Variants in SMARCAL1 observed in about 807,000 individuals in gnomAD.
SMARCAL1 encodes the protein SNF2 related chromatin remodeling annealing helicase 1, also known as ATP-driven annealing helicase.
Under a neutral mutation model 94.5 loss-of-function variants are expected in SMARCAL1, and 58 were observed. The ratio of observed to expected loss-of-function variants is 0.61; its 90% CI spans 0.50 to 0.76. SMARCAL1 has a LOEUF of 0.76. Among genes scored for constraint, SMARCAL1 ranks in the 30% least tolerant of loss-of-function variants. The pLI, the probability that SMARCAL1 is intolerant of heterozygous loss-of-function variation, is 0.00. For missense variants in SMARCAL1, 1,051 were observed against 1,177.9 expected (o/e 0.89, Z 1.58); for synonymous variants, 422 against 455.1 (o/e 0.93, Z 0.93).
At chr2:216,434,463 T>A (rs16856126) in intron 8 of SMARCAL1, among the ~76,000 whole-genome samples, 5,350 of 152,220 alleles carry the variant, frequency 0.035, 203 homozygotes, top group East Asian at 0.16. Context: ...AAGAGTCGCA[T>A]TCTTTCCCTG....
intron 13 of SMARCAL1, among the ~76,000 whole-genome samples, chr2:216,465,377 G>GA (rs558255729): frequency 5.3e-5 from 8 of 151,232 alleles, no homozygotes; most frequent in African/African-American, 1.7e-4. Context: ...TGCCTTTAGG[G>GA]AAAAAAAAAT....
At chr2:216,477,702 C>G (rs1022915300) in intron 16 of SMARCAL1, among the ~76,000 whole-genome samples, 2 of 152,122 alleles carry the variant, frequency 1.3e-5, no homozygotes, top group African/African-American at 4.8e-5. Flanking sequence ...GATTTTCAAC[C>G]CTAGGGTTTT....
chr2:216,414,464 T>C, intron 2 of SMARCAL1, 183 bp from the exon 3 acceptor site: 2 of 512,742 alleles, frequency 3.9e-6, no homozygotes, highest in Non-Finnish European at 3.5e-6. Flanking sequence ...TTGATCAGGG[T>C]CTTTATTTCA....
rs764235085 is a variant in SMARCAL1 at position 216,414,742 on chromosome 2, T to C, written c.38T>C (p.Ile13Thr). 3.1e-6 allele frequency: 5 copies of C among 1,614,198 alleles called. No individual in the cohort carries two copies. Among genetic ancestry groups the C allele is most frequent in the Non-Finnish European group, 4.2e-6 (5 of 1,180,032 alleles). ...LPLTEEQRKK[I>T]EENRQKALAR... ...CTTACAGAGGAGCAGAGGAAAAAGATTGAAGAGAATCGACAAAAGGCTCTG... is the reference window on the plus strand; with the variant it reads ...CTTACAGAGGAGCAGAGGAAAAAGACTGAAGAGAATCGACAAAAGGCTCTG... The change falls in exon 3 of 18, where the codon ATT becomes ACT. Residue 13 changes from isoleucine to threonine, a missense_variant. Ile to Thr is a moderately conservative substitution (Grantham distance 89). Around this residue, in one of 3 missense-constraint regions of SMARCAL1, gnomAD observed 398 missense variants for 395.2 expected, o/e 1.01. Transcript: ENST00000357276.
chr2:216,479,919 G>A (rs1695161403), intron 17 of SMARCAL1, among the ~76,000 whole-genome samples: 1 of 152,130 alleles, frequency 6.6e-6, no homozygotes, highest in Middle Eastern at 3.2e-3. Context: ...AGGCATGATG[G>A]CACATGCCTG....
intron 4 of SMARCAL1, among the ~76,000 whole-genome samples, chr2:216,419,910 G>A (rs1693676935): frequency 6.6e-6 from 1 of 151,306 alleles, no homozygotes; most frequent in Non-Finnish European, 1.5e-5. Context: ...CACGCCTGTA[G>A]TCCCAGCTAC....
intron 10 of SMARCAL1, among the ~76,000 whole-genome samples, chr2:216,443,951 C>G (rs918357198): frequency 6.6e-6 from 1 of 152,190 alleles, no homozygotes; most frequent in African/African-American, 2.4e-5. Flanking sequence ...CTTAGGCTTT[C>G]GATTTAACTA....
chr2:216,467,952 T>C lies in SMARCAL1; in HGVS notation c.2150T>C (p.Ile717Thr). 6.2e-7 allele frequency: 1 copy of C among 1,604,266 alleles called. No individual in the cohort carries two copies. The highest frequency in any genetic ancestry group is 8.5e-7 in the Non-Finnish European group (1 of 1,171,012). The change falls in exon 14 of 18, where the codon ATC becomes ACC. Residue 717 changes from isoleucine to threonine, a missense_variant. Transcript: ENST00000357276. ...EAKIPSVIEYILDLLESGREK... is the reference protein window; with the variant it reads ...EAKIPSVIEYTLDLLESGREK... ...GTCATTGTCAAATGCAGTGAATATA[T>C]CTTGGACCTACTGGAAAGTGGAAGA...
intron 10 of SMARCAL1, among the ~76,000 whole-genome samples, chr2:216,445,236 C>T (rs1166817911): frequency 2.0e-5 from 3 of 152,142 alleles, no homozygotes; most frequent in Non-Finnish European, 4.4e-5. Context: ...TGTGGGTGAT[C>T]GTGATGACAT....
chr2:216,449,952 C>G (rs1261716296), intron 11 of SMARCAL1, among the ~76,000 whole-genome samples: 1 of 152,116 alleles, frequency 6.6e-6, no homozygotes, highest in African/African-American at 2.4e-5. Context: ...ATTGTCCTGC[C>G]TCAGCCTCCC....
intron 10 of SMARCAL1, chr2:216,446,562 C>A: frequency 2.5e-6 from 1 of 400,172 alleles, no homozygotes; most frequent in Non-Finnish European, 5.1e-6. Context: ...AAGTTCAGAC[C>A]TGCCACTGTC....
intron 4 of SMARCAL1, 50 bp from the exon 5 acceptor site, chr2:216,420,249 A>T: frequency 6.8e-7 from 1 of 1,475,920 alleles, no homozygotes; most frequent in African/African-American, 1.4e-5. Context: ...TCAAAGCCAC[A>T]TCATAGTCCC....
chr2:216,476,911 T>A (rs1695094328), intron 15 of SMARCAL1, among the ~76,000 whole-genome samples, 198 bp from the exon 16 acceptor site: 3 of 152,206 alleles, frequency 2.0e-5, no homozygotes, highest in African/African-American at 7.2e-5. Context: ...TTGGGTTCTC[T>A]CTTTTGTTAA....
chr2:216,465,278 A>G (rs895720540), intron 13 of SMARCAL1, among the ~76,000 whole-genome samples: 3 of 152,214 alleles, frequency 2.0e-5, no homozygotes, highest in Non-Finnish European at 4.4e-5. Flanking sequence ...TCTTGAGCCA[A>G]GTAGGCTGGA....
chr2:216,429,192 T>G (rs1323576822), intron 7 of SMARCAL1, among the ~76,000 whole-genome samples: 1 of 152,226 alleles, frequency 6.6e-6, no homozygotes, highest in Admixed American at 6.5e-5. Flanking sequence ...GCTTCCAGCT[T>G]GCATTCTCAG....
At position 216,412,484 on chromosome 2, in the gene SMARCAL1, AG is replaced by A. The variant is rs1051573771; in HGVS notation, c.-259del. 3 of 152,264 alleles carry A rather than the reference AG, an allele frequency of 2.0e-5. No homozygotes were observed. Among genetic ancestry groups the A allele is most frequent in the Non-Finnish European group, 4.4e-5 (3 of 68,070 alleles). 9.4% of individuals were successfully genotyped at this position (152,264 alleles called of 1,614,324 possible). A position where few individuals can be genotyped will look rare whatever the true frequency, so the allele number is the denominator to read the frequency against. On this transcript the variant is annotated 5_prime_UTR_variant, in exon 1 of 18. Transcript: ENST00000357276. ...GGGAAATGTAGTTCAGCGGTGGCCT[AG>A]CCCTTCAGGCCTGGCCGCTACAATA...
Position 216,478,410 on chromosome 2 carries a change from C to T in SMARCAL1, c.2625+111C>T, listed in dbSNP as rs1695134225. The T allele has an allele frequency of 7.4e-6, 6 of 809,446 alleles. No homozygotes were observed. In the East Asian group the frequency reaches 9.9e-5, roughly 13 times the overall value. The allele number at this position is 809,446 out of a possible 1,614,324, so 50.1% of individuals were successfully genotyped here. Reference sequence around the variant, plus strand: ...TGTGAATCACTCCTAGGGACCTCCCCCAGCCTAGAGCTGAAAACAATGGCC... The same window carrying T: ...TGTGAATCACTCCTAGGGACCTCCCTCAGCCTAGAGCTGAAAACAATGGCC... On this transcript the variant is annotated intron_variant, in intron 17 of 17. Transcript: ENST00000357276.
rs1249862879 is a variant in SMARCAL1, at chr2:216,468,020, G to A, written c.2218G>A (p.Ala740Thr). Residue 740 changes from alanine (A) to threonine (T), a missense_variant, in exon 14 of 18, where the codon GCA becomes ACA. Physicochemically the swap from Ala to Thr is moderately conservative, Grantham distance 58 (BLOSUM62 0). This residue lies in a region of SMARCAL1 where 642 missense variants were observed against 754.7 expected (regional missense o/e 0.85). Coordinates refer to ENST00000357276, the MANE Select transcript of SMARCAL1 (RefSeq NM_014140.4). Reference protein sequence around the residue: ...VFAHHKVVLDAITQELERKHV... With the variant: ...VFAHHKVVLDTITQELERKHV... ...TGCACACCATAAGGTGGTCCTGGAC[G>A]CAATTACGCAAGAGCTTGAGAGAAA... 9.3e-6 allele frequency: 15 copies of A among 1,613,338 alleles called. No homozygotes were observed. The highest frequency in any genetic ancestry group is 2.2e-5 in the South Asian group (2 of 91,064).
In SMARCAL1 at chr2:216,428,768, G is replaced by A. The variant is rs560362356; in HGVS notation, c.1320G>A (p.Gln440=). 3.1e-6 allele frequency: 5 copies of A among 1,614,172 alleles called. No homozygotes were observed. In the East Asian group the frequency reaches 6.7e-5, roughly 22 times the overall value. The change falls in exon 7 of 18, where the codon CAG becomes CAA. Residue 440 remains glutamine, a synonymous_variant. Transcript: ENST00000357276. ...PKLVSNLMPF[Q]RAGVNFAIAK... Reference sequence around the variant, plus strand: ...TCGTGTCTAATCTGATGCCCTTTCAGAGAGCTGGAGTCAAGTAGGTTCTTG... The same window carrying A: ...TCGTGTCTAATCTGATGCCCTTTCAAAGAGCTGGAGTCAAGTAGGTTCTTG...
Sources: gnomAD v4.1 joint callset for allele counts (sites outside exome capture counted in the v4.1 genomes callset) on GRCh38, gnomAD v4.1.1 for gene constraint, gnomAD v4.1.1 regional missense constraint, MANE v1.5 for transcripts, NCBI Gene and HGNC (gene_info 2026-07-23, HGNC 2026-07-21) for gene names.